Variants in PACRG observed in about 807,000 individuals in gnomAD.
PACRG encodes the protein parkin coregulated.
A neutral mutation model predicts 29.7 loss-of-function variants in PACRG; 29 were observed. The observed-to-expected ratio is 0.98, with a 90% CI of 0.73 to 1.33. PACRG has a LOEUF of 1.33. Among genes scored for constraint, PACRG ranks in the 40% most tolerant of loss-of-function variants. The probability of loss-of-function intolerance (pLI) is 0.00; values close to 1 mark genes in which losing one functional copy is unlikely to be tolerated. For synonymous variants in PACRG, 116 were observed against 118.7 expected (o/e 0.98, Z 0.15); for missense variants, 279 against 316.2 (o/e 0.88, Z 0.89).
chr6:162,780,128 G>A (rs1163520979), intron 1 of PACRG, among the ~76,000 whole-genome samples: 1 of 152,230 alleles, frequency 6.6e-6, no homozygotes, highest in African/African-American at 2.4e-5. Flanking sequence ...GCAGGGGAAA[G>A]AAGCACCTAA....
At chr6:162,830,204 A>C (rs1198692977) in intron 2 of PACRG, among the ~76,000 whole-genome samples, 1 of 152,028 alleles carries the variant, frequency 6.6e-6, no homozygotes, top group Non-Finnish European at 1.5e-5. Flanking sequence ...GGGGATTAAG[A>C]TCTTGTGCTT....
At chr6:163,013,004 A>G (rs1397250097) in intron 2 of PACRG, among the ~76,000 whole-genome samples, 1 of 152,208 alleles carries the variant, frequency 6.6e-6, no homozygotes, top group East Asian at 1.9e-4. Context: ...AAGATTTTGA[A>G]GACTTCAGAT....
At chr6:162,752,043 A>G (rs748973180) in intron 1 of PACRG, among the ~76,000 whole-genome samples, 23 of 152,220 alleles carry the variant, frequency 1.5e-4, no homozygotes, top group Non-Finnish European at 2.8e-4. Flanking sequence ...AACATGAAGT[A>G]TGGTAAAATA....
chr6:162,884,668 C>T (rs1472863036), intron 2 of PACRG, among the ~76,000 whole-genome samples: 1 of 152,056 alleles, frequency 6.6e-6, no homozygotes, highest in African/African-American at 2.4e-5. Flanking sequence ...TAAATTTGAA[C>T]ACAATGGTGT....
chr6:162,976,776 T>C (rs966791878), intron 2 of PACRG, among the ~76,000 whole-genome samples: 2 of 152,028 alleles, frequency 1.3e-5, no homozygotes. Flanking sequence ...TGACAAATAT[T>C]GAAAAGAAGA....
At chr6:162,934,683 T>C (rs1798108700) in intron 2 of PACRG, among the ~76,000 whole-genome samples, 1 of 152,212 alleles carries the variant, frequency 6.6e-6, no homozygotes, top group Non-Finnish European at 1.5e-5. Context: ...ATTGTTTATC[T>C]TTTCAGTCTT....
chr6:163,183,251 TCGAAGGGCA>T (rs1779758936), intron 4 of PACRG: 1 of 148,898 alleles, frequency 6.7e-6, no homozygotes, highest in African/African-American at 2.6e-5. Flanking sequence ...CTCTGGGGGC[TCGAAGGGCA>T]TGGAAGGGCA....
intron 4 of PACRG, among the ~76,000 whole-genome samples, chr6:163,304,295 A>G (rs1287855493): frequency 6.6e-6 from 1 of 152,202 alleles, no homozygotes; most frequent in Non-Finnish European, 1.5e-5. Context: ...GGAATTAGGC[A>G]CATGGTGGCC....
At chr6:163,280,517 T>C (rs1157209394) in intron 4 of PACRG, among the ~76,000 whole-genome samples, 2 of 152,210 alleles carry the variant, frequency 1.3e-5, no homozygotes, top group Non-Finnish European at 2.9e-5. Context: ...GAAGATCCCA[T>C]CTATCCCATG....
In PACRG at chr6:162,814,231, T is replaced by C. The variant is rs760714553; in HGVS notation, c.241T>C (p.Phe81Leu). Reference sequence around the variant, plus strand: ...TCGAAAATTCTATGAGCGAGGTGACTTCCCAATTGCCCTTGAGCATGATTC... The same window carrying C: ...TCGAAAATTCTATGAGCGAGGTGACCTCCCAATTGCCCTTGAGCATGATTC... The part of the protein sequence containing the change: ...AFRKFYERGD[F>L]PIALEHDSKG... Residue 81 changes from phenylalanine (F) to leucine (L), a missense_variant, in exon 2 of 5, where the codon TTC (phenylalanine) becomes CTC (leucine). By Grantham distance (22) the Phe-to-Leu change is conservative. Coordinates refer to ENST00000366888, the MANE Select transcript of PACRG (RefSeq NM_001080379.2). 91 of 1,613,930 alleles carry C rather than the reference T, an allele frequency of 5.6e-5. No individual in the cohort carries two copies. The highest frequency in any genetic ancestry group is 6.9e-5 in the Non-Finnish European group (81 of 1,179,958).
intron 4 of PACRG, among the ~76,000 whole-genome samples, chr6:163,252,098 C>T (rs926641624): frequency 3.3e-5 from 5 of 152,188 alleles, no homozygotes; most frequent in South Asian, 2.1e-4. Context: ...TTATCCACAC[C>T]GCAAAACGCT....
At chr6:163,071,838 T>C (rs902273780) in intron 3 of PACRG, among the ~76,000 whole-genome samples, 2 of 151,644 alleles carry the variant, frequency 1.3e-5, no homozygotes, top group African/African-American at 4.8e-5. Flanking sequence ...TAGAGGAAAC[T>C]GACAAATTCC....
intron 4 of PACRG, among the ~76,000 whole-genome samples, chr6:163,118,036 C>G (rs1562926195): frequency 6.6e-6 from 1 of 152,138 alleles, no homozygotes; most frequent in Non-Finnish European, 1.5e-5. Flanking sequence ...AACCTCGAGT[C>G]TGCTATTGAC....
intron 2 of PACRG, among the ~76,000 whole-genome samples, chr6:162,973,641 T>A (rs1485385718): frequency 2.0e-5 from 3 of 147,340 alleles, no homozygotes; most frequent in African/African-American, 7.9e-5. Flanking sequence ...ATTTTCAACC[T>A]TTTTTGAGCT....
At chr6:163,072,572 A>C (rs1812165862) in intron 3 of PACRG, among the ~76,000 whole-genome samples, 1 of 152,252 alleles carries the variant, frequency 6.6e-6, no homozygotes, top group Admixed American at 6.5e-5. Context: ...CACTTTCACC[A>C]CTGTTATTCA....
At chr6:162,797,557 A>G (rs576174550) in intron 1 of PACRG, among the ~76,000 whole-genome samples, 2 of 152,268 alleles carry the variant, frequency 1.3e-5, no homozygotes, top group East Asian at 3.9e-4. Flanking sequence ...GTTTGCTTTA[A>G]TTTTTCCTGG....
intron 3 of PACRG, among the ~76,000 whole-genome samples, chr6:163,080,905 A>T (rs946708140): frequency 2.6e-5 from 4 of 152,164 alleles, no homozygotes; most frequent in African/African-American, 9.7e-5. Context: ...AAGTAGGAGA[A>T]ACTTGAAAAC....
intron 2 of PACRG, among the ~76,000 whole-genome samples, chr6:163,008,870 A>T (rs1805368145): frequency 6.6e-6 from 1 of 151,732 alleles, no homozygotes. Context: ...AGCACTCCTG[A>T]CCTCCTGAGG....
chr6:163,210,676 C>T (rs903431109), intron 4 of PACRG, among the ~76,000 whole-genome samples: 1 of 152,248 alleles, frequency 6.6e-6, no homozygotes, highest in African/African-American at 2.4e-5. Context: ...TGTATCTCTT[C>T]CCCTTACTTT....
Sources: gnomAD v4.1 joint callset for allele counts (sites outside exome capture counted in the v4.1 genomes callset) on GRCh38, gnomAD v4.1.1 for gene constraint, MANE v1.5 for transcripts, NCBI Gene and HGNC (gene_info 2026-07-23, HGNC 2026-07-21) for gene names.